AGO1: variants seen among roughly 807,000 people sequenced by gnomAD.
AGO1 encodes argonaute RISC component 1, also known as protein argonaute-1.
In AGO1, 11 loss-of-function variants were observed where a neutral mutation model predicts 109.2. The observed-to-expected ratio is 0.10, with a 90% CI of 0.06 to 0.17. The LOEUF is 0.17. AGO1 is among the 10% of genes least tolerant of loss of function. The pLI is 1.00. For missense variants in AGO1, 574 were observed against 1,140.3 expected (o/e 0.50, Z 7.15); for synonymous variants, 422 against 418.6 (o/e 1.01, Z -0.10).
chr1:35,927,076 C>T lies in AGO1; in HGVS notation c.*7469C>T, dbSNP rs1645944915. Reference sequence around the variant, plus strand: ...AAAAGAGACAGTGGGAACTTTTAGCCAGGTTTTTGGAAAAGGCCTGTGGGC... The same window carrying T: ...AAAAGAGACAGTGGGAACTTTTAGCTAGGTTTTTGGAAAAGGCCTGTGGGC... On this transcript the variant is annotated 3_prime_UTR_variant, in exon 19 of 19. Transcript: ENST00000373204. 6.6e-6 allele frequency: 1 copy of T among 151,724 alleles called. No individual in the cohort carries two copies. Among genetic ancestry groups the T allele is most frequent in the Admixed American group, 6.6e-5 (1 of 15,222 alleles). The allele number at this position is 151,724 out of a possible 1,614,324, so 9.4% of individuals were successfully genotyped here. A position where few individuals can be genotyped will look rare whatever the true frequency, so the allele number is the denominator to read the frequency against.
intron 1 of AGO1, among the ~76,000 whole-genome samples, chr1:35,872,487 G>A (rs534261353): frequency 2.0e-5 from 3 of 152,022 alleles, no homozygotes; most frequent in East Asian, 3.9e-4. Context: ...CGCCTGGCCC[G>A]ACTCAATTTC....
In AGO1 at chr1:35,893,339, G is replaced by T; in HGVS notation, c.512+61G>T. The stretch of plus-strand genomic sequence containing the variant: ...TGGCAGAACTGCTGTCAGGGGAGGA[G>T]GGGGAGCACATATTAAGGTCCCACA... On this transcript the variant is annotated intron_variant, in intron 4 of 18. Coordinates refer to ENST00000373204, the MANE Select transcript of AGO1 (RefSeq NM_012199.5). This position sits in a 1 kb window ranked among gnomAD's most constrained non-coding sequence, Gnocchi z 5.6. 6.5e-7 allele frequency: 1 copy of T among 1,546,218 alleles called. No homozygotes were observed.
intron 3 of AGO1, 119 bp downstream of exon 3, chr1:35,892,796 A>T: frequency 2.9e-5 from 38 of 1,294,746 alleles, no homozygotes; most frequent in Non-Finnish European, 3.6e-5. Flanking sequence ...AGTATGTTTT[A>T]GGGTGAGGGG....
intron 17 of AGO1, among the ~76,000 whole-genome samples, chr1:35,918,734 T>G (rs1422560035): frequency 6.6e-6 from 1 of 152,156 alleles, no homozygotes; most frequent in East Asian, 1.9e-4. Flanking sequence ...TTTTGTATTT[T>G]TAGTAGAGAC....
chr1:35,871,935 T>C (rs1644954616), intron 1 of AGO1, among the ~76,000 whole-genome samples: 1 of 151,550 alleles, frequency 6.6e-6, no homozygotes, highest in African/African-American at 2.4e-5. Context: ...CCGGGTGTGG[T>C]GGCGGGCGCC....
chr1:35,907,460 C>T (rs1444698658), intron 12 of AGO1, among the ~76,000 whole-genome samples: 1 of 152,032 alleles, frequency 6.6e-6, no homozygotes, highest in African/African-American at 2.4e-5. Context: ...ATCTGAACAT[C>T]GTGCAGCACA....
Position 35,919,349 on chromosome 1 carries a change from C to A in AGO1, c.2465+95C>A. On this transcript the variant is annotated intron_variant, in intron 18 of 18. Transcript: ENST00000373204. This position sits in a 1 kb window ranked among gnomAD's most constrained non-coding sequence, Gnocchi z 6.6. ...TGGGTAGAAGGAAATGAGTGCTGTC[C>A]AATTTGGTGTCATTGGGCTCGTCTG... 2 of 1,491,304 alleles carry A rather than the reference C, an allele frequency of 1.3e-6. No individual in the cohort carries two copies. The highest frequency in any genetic ancestry group is 1.8e-6 in the Non-Finnish European group (2 of 1,096,546). 92.4% of individuals were successfully genotyped at this position (1,491,304 alleles called of 1,614,324 possible). A position where few individuals can be genotyped will look rare whatever the true frequency, so the allele number is the denominator to read the frequency against.
chr1:35,894,004 C>A (rs372574687), intron 5 of AGO1, 33 bp from the exon 6 acceptor site: 26 of 1,524,376 alleles, frequency 1.7e-5, no homozygotes, highest in African/African-American at 2.8e-5. Context: ...AAGACAGAAC[C>A]TGAGCTGAGC....
chr1:35,905,514 C>T (rs1307931884), intron 11 of AGO1, among the ~76,000 whole-genome samples: 1 of 152,128 alleles, frequency 6.6e-6, no homozygotes, highest in Non-Finnish European at 1.5e-5. Context: ...CTTGCCCAGG[C>T]TGGAGTGCAG....
rs1427710222 is a variant in AGO1, at chr1:35,888,633, A to C, written c.209+23A>C. 1 of 1,611,646 alleles carries C rather than the reference A, an allele frequency of 6.2e-7. No homozygotes were observed. Among genetic ancestry groups the C allele is most frequent in the South Asian group, 1.1e-5 (1 of 90,944 alleles). On this transcript the variant is annotated intron_variant, in intron 2 of 18. Coordinates refer to ENST00000373204, the MANE Select transcript of AGO1 (RefSeq NM_012199.5). The surrounding 1 kb of genome is among the most constrained non-coding windows in gnomAD (Gnocchi z 4.1). ...CCGGTAAGTGATGCACACCTAAGCC[A>C]CCAAATCTGAAAGACACCAACCTTG...
At chr1:35,903,068 C>T (rs1218139264) in intron 11 of AGO1, among the ~76,000 whole-genome samples, 5 of 147,682 alleles carry the variant, frequency 3.4e-5, no homozygotes, top group Admixed American at 6.8e-5. Context: ...TGCAGTGGCA[C>T]GATCTTGGCT....
At chr1:35,913,660 C>A (rs572697129) in intron 12 of AGO1, among the ~76,000 whole-genome samples, 182 bp from the exon 13 acceptor site, 38 of 152,190 alleles carry the variant, frequency 2.5e-4, no homozygotes, top group African/African-American at 9.2e-4. Flanking sequence ...TGTCATTTAT[C>A]AGCGTTGTAA....
chr1:35,895,392 TCTC>T, intron 8 of AGO1, 123 bp downstream of exon 8: 2 of 1,133,448 alleles, frequency 1.8e-6, no homozygotes, highest in Non-Finnish European at 2.4e-6. Context: ...ATGAGGTAGT[TCTC>T]CTGTGAAATA....
chr1:35,924,947 T>TA lies in AGO1; in HGVS notation c.*5343dup, dbSNP rs1645900073. On this transcript the variant is annotated 3_prime_UTR_variant, in exon 19 of 19. Coordinates refer to ENST00000373204, the MANE Select transcript of AGO1 (RefSeq NM_012199.5). ...ATACAGGAGTCTTATAGATGGTAGT[T>TA]AAAGCCATAGGCATGAATGAGATAG... 6.6e-6 allele frequency: 1 copy of TA among 152,062 alleles called. No individual in the cohort carries two copies. The highest frequency in any genetic ancestry group is 2.4e-5 in the African/African-American group (1 of 41,370). The allele number at this position is 152,062 out of a possible 1,614,324, so 9.4% of individuals were successfully genotyped here. A position where few individuals can be genotyped will look rare whatever the true frequency, so the allele number is the denominator to read the frequency against.
chr1:35,877,344 T>G (rs1645000775), intron 1 of AGO1, among the ~76,000 whole-genome samples: 1 of 152,222 alleles, frequency 6.6e-6, no homozygotes, highest in South Asian at 2.1e-4. Flanking sequence ...TAATGTGCTA[T>G]TTCTCACTTC....
In AGO1 at chr1:35,876,467, C is replaced by T. The variant is rs547599949; in HGVS notation, c.-201+6564C>T. 2.2e-4 allele frequency among the ~76,000 whole-genome samples: 33 copies of T among 152,106 alleles called. No homozygotes were observed. The East Asian group carries it at 3.5e-3, about 16-fold the overall frequency. Reference sequence around the variant, plus strand: ...ATTTTTAGTAGAGACTGGGTTTTACCGTGTTAGCCAGGATGGTCTTGATCT... The same window carrying T: ...ATTTTTAGTAGAGACTGGGTTTTACTGTGTTAGCCAGGATGGTCTTGATCT... On this transcript the variant is annotated intron_variant, in intron 1 of 18. Transcript: ENST00000373206.
chr1:35,902,159 G>A, intron 10 of AGO1, 45 bp from the exon 11 acceptor site: 3 of 1,598,652 alleles, frequency 1.9e-6, no homozygotes, highest in Non-Finnish European at 2.6e-6. Flanking sequence ...CTACCCACCT[G>A]ACTCTACTGA....
intron 14 of AGO1, 68 bp from the exon 15 acceptor site, chr1:35,915,280 C>G: frequency 6.8e-7 from 1 of 1,461,728 alleles, no homozygotes; most frequent in Non-Finnish European, 9.5e-7. Flanking sequence ...AGAAGCCTTT[C>G]CACAAACCCA....
At chr1:35,904,411 T>G (rs565599197) in intron 11 of AGO1, among the ~76,000 whole-genome samples, 5 of 152,334 alleles carry the variant, frequency 3.3e-5, no homozygotes, top group Middle Eastern at 3.4e-3. Context: ...GGCCTTTTTC[T>G]GAGTTCTTTA....
Sources: gnomAD v4.1 joint callset for allele counts (sites outside exome capture counted in the v4.1 genomes callset) on GRCh38, gnomAD v4.1.1 for gene constraint, Gnocchi (gnomAD v3.1) non-coding constraint, MANE v1.5 for transcripts, NCBI Gene and HGNC (gene_info 2026-07-23, HGNC 2026-07-21) for gene names.